Variants in FGF12 observed in about 807,000 individuals in gnomAD.
The protein encoded by FGF12 is fibroblast growth factor 12.
Under a neutral mutation model 23.6 loss-of-function variants are expected in FGF12, and 14 were observed. The observed-to-expected ratio is 0.59, with a 90% CI of 0.39 to 0.93. FGF12 has a LOEUF of 0.93. FGF12 is among the 40% of genes least tolerant of loss of function. FGF12 has a pLI of 0.00. For synonymous variants in FGF12, 62 were observed against 77.3 expected (o/e 0.80, Z 1.04); for missense variants, 175 against 217.8 (o/e 0.80, Z 1.24).
At chr3:192,407,491 C>T (rs758217747) in intron 2 of FGF12, among the ~76,000 whole-genome samples, 13 of 152,098 alleles carry the variant, frequency 8.5e-5, no homozygotes, top group Non-Finnish European at 1.3e-4. Flanking sequence ...AGATGCAATG[C>T]CAAGTGTTGC....
At chr3:192,701,341 C>A (rs1438619364) in intron 2 of FGF12, among the ~76,000 whole-genome samples, 1 of 152,152 alleles carries the variant, frequency 6.6e-6, no homozygotes, top group East Asian at 1.9e-4. Flanking sequence ...TAAAACCAAG[C>A]CGTAGCCCGA....
chr3:192,360,506 A>G lies in FGF12; in HGVS notation c.46T>C (p.Phe16Leu). 6.2e-7 allele frequency: 1 copy of G among 1,613,942 alleles called. No individual in the cohort carries two copies. Among genetic ancestry groups the G allele is most frequent in the Non-Finnish European group, 8.5e-7 (1 of 1,179,844 alleles). Reference sequence around the variant, plus strand: ...TGCAGGAAGTATCCCTGCTGGCTGAATAACCTTGTCACAATCCCTTTGAGC... The same window carrying G: ...TGCAGGAAGTATCCCTGCTGGCTGAGTAACCTTGTCACAATCCCTTTGAGC... The part of the protein sequence containing the change: ...PQLKGIVTRL[F>L]SQQGYFLQMH... Residue 16 changes from phenylalanine to leucine, a missense_variant, in exon 3 of 6, where the codon TTC becomes CTC. By Grantham distance (22) the Phe-to-Leu change is conservative. Coordinates refer to ENST00000445105, the MANE Select transcript of FGF12 (RefSeq NM_004113.6). This position sits in a 1 kb window ranked among gnomAD's most constrained non-coding sequence, Gnocchi z 4.3.
At chr3:192,424,862 C>G (rs1347989472) in intron 2 of FGF12, among the ~76,000 whole-genome samples, 1 of 152,128 alleles carries the variant, frequency 6.6e-6, no homozygotes, top group Non-Finnish European at 1.5e-5. Context: ...TATCCCTTCA[C>G]CAGTCTTCTT....
chr3:192,392,051 A>G (rs1720314461), intron 2 of FGF12, among the ~76,000 whole-genome samples: 1 of 152,198 alleles, frequency 6.6e-6, no homozygotes, highest in Admixed American at 6.5e-5. Flanking sequence ...CGACTTGCTG[A>G]ATCAGAATCT....
intron 2 of FGF12, chr3:192,672,988 T>C (rs1505453): frequency 0.68 from 101,927 of 150,462 alleles, 36,863 homozygotes; most frequent in East Asian, 0.85. Context: ...GGTGCAGCTG[T>C]AGTGGTTTTG....
intron 4 of FGF12, among the ~76,000 whole-genome samples, chr3:192,171,343 G>C (rs575891598): frequency 4.8e-4 from 73 of 152,252 alleles, no homozygotes; most frequent in East Asian, 1.4e-3. Flanking sequence ...GAAACTGTAA[G>C]ATCCTGTACT....
rs908948796 is a variant in FGF12 at position 192,165,917 on chromosome 3, G to A, written c.427+4541C>T. 3.9e-5 allele frequency among the ~76,000 whole-genome samples: 6 copies of A among 152,074 alleles called. No homozygotes were observed. The East Asian group carries it at 7.7e-4, about 20-fold the overall frequency. ...TGGTTACTTAGTTACTTTAAATTAC[G>A]TTTCCTCATCTATAAAATGAGGATA... On this transcript the variant is annotated intron_variant, in intron 5 of 5. Coordinates refer to ENST00000445105, the MANE Select transcript of FGF12 (RefSeq NM_004113.6).
intron 4 of FGF12, among the ~76,000 whole-genome samples, chr3:192,308,448 C>T (rs898754323): frequency 2.6e-5 from 4 of 152,038 alleles, no homozygotes; most frequent in Non-Finnish European, 5.9e-5. Context: ...GAGGCCGAGG[C>T]GGGCAGATCA....
chr3:192,415,751 C>T (rs1237005864), intron 2 of FGF12, among the ~76,000 whole-genome samples: 51 of 151,610 alleles, frequency 3.4e-4, no homozygotes, highest in South Asian at 6.3e-4. Context: ...CACACACACA[C>T]ACACACACAC....
intron 2 of FGF12, among the ~76,000 whole-genome samples, chr3:192,578,171 C>A (rs999697376): frequency 3.9e-5 from 6 of 152,142 alleles, no homozygotes; most frequent in African/African-American, 1.4e-4. Context: ...CAAATTAATA[C>A]CAAGTAAGTA....
chr3:192,637,890 G>A (rs182085776), intron 2 of FGF12, among the ~76,000 whole-genome samples: 94 of 152,200 alleles, frequency 6.2e-4, no homozygotes, highest in South Asian at 4.1e-4. Context: ...AAGTATAATC[G>A]TCCAATTTAG....
At chr3:192,642,769 G>A in intron 2 of FGF12, among the ~76,000 whole-genome samples, 1 of 152,154 alleles carries the variant, frequency 6.6e-6, no homozygotes, top group Non-Finnish European at 1.5e-5. Context: ...CATAGCCCTT[G>A]CCATGAAATC....
Position 192,139,446 on chromosome 3 carries a change from TACA to T in FGF12, c.*4560_*4562del, listed in dbSNP as rs1192687409. On this transcript the variant is annotated 3_prime_UTR_variant, in exon 6 of 6. Coordinates refer to ENST00000445105, the MANE Select transcript of FGF12 (RefSeq NM_004113.6). ...AAACATTAATTTGTTTAGTTTCTCA[TACA>T]ACATGTTTACTAAACATTTCAGTGT... 6.6e-6 allele frequency: 1 copy of T among 152,324 alleles called. No individual in the cohort carries two copies. Among genetic ancestry groups the T allele is most frequent in the East Asian group, 1.9e-4 (1 of 5,192 alleles). 9.4% of individuals were successfully genotyped at this position (152,324 alleles called of 1,614,324 possible). A position where few individuals can be genotyped will look rare whatever the true frequency, so the allele number is the denominator to read the frequency against.
chr3:192,601,557 C>A (rs28834495), intron 2 of FGF12, among the ~76,000 whole-genome samples: 1 of 151,812 alleles, frequency 6.6e-6, no homozygotes, highest in Admixed American at 6.6e-5. Context: ...CAGATATGTA[C>A]AATTATTATA....
chr3:192,614,796 C>G (rs531458627), intron 2 of FGF12, among the ~76,000 whole-genome samples: 1 of 152,004 alleles, frequency 6.6e-6, no homozygotes, highest in Non-Finnish European at 1.5e-5. Flanking sequence ...TCTGTGAGTT[C>G]CTGGACTTTC....
At chr3:192,371,069 A>G (rs1525912) in intron 2 of FGF12, among the ~76,000 whole-genome samples, 98,034 of 152,074 alleles carry the variant, frequency 0.64, 34,540 homozygotes, top group East Asian at 0.93. Context: ...GGTCTTTCTC[A>G]AATGATCACC....
At chr3:192,227,077 C>T (rs1242743857) in intron 4 of FGF12, among the ~76,000 whole-genome samples, 1 of 151,978 alleles carries the variant, frequency 6.6e-6, no homozygotes, top group African/African-American at 2.4e-5. Flanking sequence ...TCTTGAGCTC[C>T]CAGCTTCCAG....
intron 4 of FGF12, among the ~76,000 whole-genome samples, chr3:192,246,386 G>A (rs13315492): frequency 0.33 from 50,130 of 151,990 alleles, 9,456 homozygotes; most frequent in East Asian, 0.89. Flanking sequence ...TGCTGCCCAT[G>A]GAATTCTGGA....
At chr3:192,219,495 A>G (rs1487198554) in intron 4 of FGF12, among the ~76,000 whole-genome samples, 1 of 152,206 alleles carries the variant, frequency 6.6e-6, no homozygotes, top group Non-Finnish European at 1.5e-5. Context: ...ATTTTAATAT[A>G]ATAGATGTGG....
Sources: gnomAD v4.1 joint callset for allele counts (sites outside exome capture counted in the v4.1 genomes callset) on GRCh38, gnomAD v4.1.1 for gene constraint, Gnocchi (gnomAD v3.1) non-coding constraint, MANE v1.5 for transcripts, NCBI Gene and HGNC (gene_info 2026-07-23, HGNC 2026-07-21) for gene names.